PCDHGB3: variants seen among roughly 807,000 people sequenced by gnomAD.
PCDHGB3 encodes protocadherin gamma subfamily B, 3.
Under a neutral mutation model 59.2 loss-of-function variants are expected in PCDHGB3, and 40 were observed. The observed-to-expected ratio is 0.68, with a 90% CI of 0.52 to 0.88. The LOEUF (loss-of-function observed/expected upper bound fraction) is 0.88, where lower values mean the gene tolerates loss of function less well. PCDHGB3 is among the 40% of genes least tolerant of loss of function. PCDHGB3 has a pLI of 0.00. For missense variants in PCDHGB3, 1,309 were observed against 1,187.9 expected (o/e 1.10, Z -1.50); for synonymous variants, 581 against 503.6 (o/e 1.15, Z -2.06).
intron 1 of PCDHGB3, among the ~76,000 whole-genome samples, chr5:141,382,275 G>A (rs192196334): frequency 6.6e-6 from 1 of 152,264 alleles, no homozygotes; most frequent in African/African-American, 2.4e-5. Context: ...GAACATATGT[G>A]TTCAATTAAT....
Position 141,485,190 on chromosome 5 carries a change from G to C in PCDHGB3, c.2416-9617G>C. 6.2e-7 allele frequency: 1 copy of C among 1,613,920 alleles called. No individual in the cohort carries two copies. Among genetic ancestry groups the C allele is most frequent in the Non-Finnish European group, 8.5e-7 (1 of 1,179,788 alleles). Reference sequence around the variant, plus strand: ...GCGGCAGCAATGCTCCGCAAGGTGAGAAGCTGGACAGAAATCTGGCGGTGG... The same window carrying C: ...GCGGCAGCAATGCTCCGCAAGGTGACAAGCTGGACAGAAATCTGGCGGTGG... On this transcript the variant is annotated intron_variant, in intron 1 of 3. Coordinates refer to ENST00000576222, the MANE Select transcript of PCDHGB3 (RefSeq NM_018924.5). This position sits in a 1 kb window ranked among gnomAD's most constrained non-coding sequence, Gnocchi z 5.7.
At chr5:141,473,988 G>T (rs1006988447) in intron 1 of PCDHGB3, among the ~76,000 whole-genome samples, 2 of 152,118 alleles carry the variant, frequency 1.3e-5, no homozygotes, top group Middle Eastern at 3.2e-3. Context: ...AGGATCCCTT[G>T]AGCCCAAGGA....
chr5:141,490,143 A>G lies in PCDHGB3; in HGVS notation c.2416-4664A>G. On this transcript the variant is annotated intron_variant, in intron 1 of 3. Transcript: ENST00000576222. The surrounding 1 kb of genome is among the most constrained non-coding windows in gnomAD (Gnocchi z 5.4). ...TTGGCCTAGACCCTAGCAGTGGGGC[A>G]ATCCATGTGTTGGGTCCCATAGACT... is the stretch of plus-strand genomic sequence containing the variant. 1 of 1,614,234 alleles carries G rather than the reference A, an allele frequency of 6.2e-7. No homozygotes were observed. The highest frequency in any genetic ancestry group is 8.5e-7 in the Non-Finnish European group (1 of 1,180,034).
chr5:141,389,914 C>G (rs754458764), intron 1 of PCDHGB3: 1 of 1,614,074 alleles, frequency 6.2e-7, no homozygotes, highest in Non-Finnish European at 8.5e-7. Flanking sequence ...ACTGACCGCC[C>G]CGACCCCTCT....
intron 1 of PCDHGB3, chr5:141,414,747 C>T (rs556012378): frequency 6.2e-7 from 1 of 1,614,214 alleles, no homozygotes; most frequent in African/African-American, 1.3e-5. Flanking sequence ...TCAGATCCTT[C>T]GACTATGAGC....
chr5:141,447,449 C>A (rs2098539583), intron 1 of PCDHGB3, among the ~76,000 whole-genome samples: 1 of 152,058 alleles, frequency 6.6e-6, no homozygotes, highest in Non-Finnish European at 1.5e-5. Flanking sequence ...AAATTTTTAA[C>A]CTCAGTTTTT....
intron 1 of PCDHGB3, among the ~76,000 whole-genome samples, chr5:141,401,714 A>T (rs964631036): frequency 2.0e-5 from 3 of 152,226 alleles, no homozygotes; most frequent in Non-Finnish European, 4.4e-5. Flanking sequence ...CATTTTTAAG[A>T]CAAAAACTAC....
At chr5:141,376,683 T>TTTTTTTG (rs1483837724) in intron 1 of PCDHGB3, 1 of 803,912 alleles carries the variant, frequency 1.2e-6, no homozygotes, top group African/African-American at 1.9e-5. Context: ...ATCGTTTTTT[T>TTTTTTTG]TTTTTTTTTT....
At chr5:141,413,023 A>T in intron 1 of PCDHGB3, 1 of 729,646 alleles carries the variant, frequency 1.4e-6, no homozygotes, top group Non-Finnish European at 2.1e-6. Context: ...CACAAGCCCC[A>T]CAAACCGGCT....
chr5:141,394,433 G>A lies in PCDHGB3; in HGVS notation c.2415+21624G>A, dbSNP rs1180818373. ...TAACAGCCAGCGACAGCGGGGACCC[G>A]CCCCTCAGCAGCAACATGTCACTGA... On this transcript the variant is annotated intron_variant, in intron 1 of 3. Coordinates refer to ENST00000576222, the MANE Select transcript of PCDHGB3 (RefSeq NM_018924.5). 3.7e-6 allele frequency: 6 copies of A among 1,614,088 alleles called. No homozygotes were observed. The East Asian group carries it at 8.9e-5, about 24-fold the overall frequency.
Position 141,486,390 on chromosome 5 carries a change from C to T in PCDHGB3, c.2416-8417C>T. 6.2e-7 allele frequency: 1 copy of T among 1,614,138 alleles called. No homozygotes were observed. The highest frequency in any genetic ancestry group is 1.1e-5 in the South Asian group (1 of 91,084). On this transcript the variant is annotated intron_variant, in intron 1 of 3. Coordinates refer to ENST00000576222, the MANE Select transcript of PCDHGB3 (RefSeq NM_018924.5). This position sits in a 1 kb window ranked among gnomAD's most constrained non-coding sequence, Gnocchi z 5.0. ...AAGTCTGCCTTCAGGAACCAGTTCTCCCTGGTGACTGCTGGACCCTTGGAT... is the reference window on the plus strand; with the variant it reads ...AAGTCTGCCTTCAGGAACCAGTTCTTCCTGGTGACTGCTGGACCCTTGGAT...
At chr5:141,400,360 C>T (rs1327384409) in intron 1 of PCDHGB3, 2 of 1,614,030 alleles carry the variant, frequency 1.2e-6, no homozygotes, top group East Asian at 2.2e-5. Context: ...GGGGACTTTG[C>T]CTTATTCCTA....
At chr5:141,422,498 C>G in intron 1 of PCDHGB3, 1 of 1,613,966 alleles carries the variant, frequency 6.2e-7, no homozygotes. Context: ...ATAACGTTGA[C>G]AGCCACAGAC....
At position 141,485,286 on chromosome 5, in the gene PCDHGB3, A is replaced by G; in HGVS notation, c.2416-9521A>G. The G allele has an allele frequency of 2.5e-6, 4 of 1,614,044 alleles. No individual in the cohort carries two copies. On this transcript the variant is annotated intron_variant, in intron 1 of 3. Transcript: ENST00000576222. This position sits in a 1 kb window ranked among gnomAD's most constrained non-coding sequence, Gnocchi z 5.7. ...CAGATCCGCTACCCGGTCCCAGAGG[A>G]GTCACAGGAAGGGACTTTTGTAGGG...
intron 1 of PCDHGB3, among the ~76,000 whole-genome samples, chr5:141,453,061 T>G (rs1351911724): frequency 6.6e-6 from 1 of 152,102 alleles, no homozygotes; most frequent in Non-Finnish European, 1.5e-5. Context: ...AGTTTTAGAG[T>G]TTTGCCACAC....
At chr5:141,507,611 A>G (rs2099862056) in intron 3 of PCDHGB3, among the ~76,000 whole-genome samples, 1 of 152,258 alleles carries the variant, frequency 6.6e-6, no homozygotes, top group South Asian at 2.1e-4. Flanking sequence ...AAACAGGTAT[A>G]TTTAGCTGTT....
rs368512862 is a variant in PCDHGB3 at position 141,491,734 on chromosome 5, G to T, written c.2416-3073G>T. ...CTCGGCGCCGCCCCGGGCGACCCCT[G>T]GGGGCGGCACTGGAGAAGCCGCCCG... On this transcript the variant is annotated intron_variant, in intron 1 of 3. Transcript: ENST00000576222. The surrounding 1 kb of genome is among the most constrained non-coding windows in gnomAD (Gnocchi z 6.9). 2.5e-4 allele frequency: 403 copies of T among 1,602,056 alleles called. No individual in the cohort carries two copies. Among genetic ancestry groups the T allele is most frequent in the Non-Finnish European group, 3.2e-4 (380 of 1,174,948 alleles).
At chr5:141,453,964 C>T (rs2098778500) in intron 1 of PCDHGB3, among the ~76,000 whole-genome samples, 1 of 152,296 alleles carries the variant, frequency 6.6e-6, no homozygotes, top group Non-Finnish European at 1.5e-5. Context: ...GACAGCAAAG[C>T]ATGTAGTTGT....
At position 141,398,516 on chromosome 5, in the gene PCDHGB3, C is replaced by G. The variant is rs779535322; in HGVS notation, c.2415+25707C>G. On this transcript the variant is annotated intron_variant, in intron 1 of 3. Coordinates refer to ENST00000576222, the MANE Select transcript of PCDHGB3 (RefSeq NM_018924.5). ...GAGATCGAGGACATTAATGACCACA[C>G]GCCAAAATTCACGCAAAATTCCTTT... is the stretch of plus-strand genomic sequence containing the variant. The G allele has an allele frequency of 4.4e-5, 70 of 1,598,584 alleles. No individual in the cohort carries two copies. The highest frequency in any genetic ancestry group is 4.3e-4 in the Admixed American group (25 of 58,660).
Sources: gnomAD v4.1 joint callset for allele counts (sites outside exome capture counted in the v4.1 genomes callset) on GRCh38, gnomAD v4.1.1 for gene constraint, Gnocchi (gnomAD v3.1) non-coding constraint, MANE v1.5 for transcripts, NCBI Gene and HGNC (gene_info 2026-07-23, HGNC 2026-07-21) for gene names.